The following PDE6B variants were observed in gnomAD, a reference collection of about 807,000 sequenced individuals.
The protein encoded by PDE6B is rod cGMP-specific 3',5'-cyclic phosphodiesterase subunit beta.
In PDE6B, 106 loss-of-function variants were observed where a neutral mutation model predicts 109.0. The ratio of observed to expected loss-of-function variants is 0.97; its 90% CI spans 0.83 to 1.14. The LOEUF is 1.14. Ranked by LOEUF, PDE6B falls within the 50% of genes most tolerant of loss-of-function variation. The pLI is 0.00. For missense variants in PDE6B, 1,193 were observed against 1,155.6 expected (o/e 1.03, Z -0.47); for synonymous variants, 490 against 471.3 (o/e 1.04, Z -0.51).
chr4:634,842 GGCACCTGGGCAGCC>G lies in PDE6B; in HGVS notation c.621+16_621+29del, dbSNP rs778367434. On this transcript the variant is annotated intron_variant, in intron 2 of 21. Coordinates refer to ENST00000496514, the MANE Select transcript of PDE6B (RefSeq NM_000283.4). ...CGAAGACGAAGATGTGAGTGTGGGG[GGCACCTGGGCAGCC>G]GCGCGTCTGCCTCCCTGCCTGCCTG... 6.8e-6 allele frequency: 11 copies of G among 1,612,564 alleles called. No homozygotes were observed. Among genetic ancestry groups the G allele is most frequent in the Non-Finnish European group, 9.3e-6 (11 of 1,178,684 alleles).
At chr4:655,565 C>T (rs908261522) in intron 6 of PDE6B, 7 of 381,162 alleles carry the variant, frequency 1.8e-5, no homozygotes, top group Admixed American at 1.6e-4. Flanking sequence ...GGCCCCAGCA[C>T]GGCAGCCTGG....
chr4:634,790 C>G lies in PDE6B; in HGVS notation c.582C>G (p.Asn194Lys). Residue 194 changes from asparagine to lysine, a missense_variant, in exon 2 of 22, where the codon AAC (asparagine) becomes AAG (lysine). Physicochemically the swap from Asn to Lys is moderately conservative, Grantham distance 94. Transcript: ENST00000496514. ...KDVVAVIMAV[N>K]KLNGPFFTSE... ...TCGTGGCGGTGATCATGGCAGTGAACAAGCTCAACGGCCCATTCTTCACCA... is the reference window on the plus strand; with the variant it reads ...TCGTGGCGGTGATCATGGCAGTGAAGAAGCTCAACGGCCCATTCTTCACCA... 6.2e-7 allele frequency: 1 copy of G among 1,613,982 alleles called. No individual in the cohort carries two copies. The highest frequency in any genetic ancestry group is 8.5e-7 in the Non-Finnish European group (1 of 1,179,842).
Position 634,595 on chromosome 4 carries a change from G to C in PDE6B, c.469-82G>C. 2.6e-6 allele frequency: 3 copies of C among 1,161,906 alleles called. No individual in the cohort carries two copies. The South Asian group carries it at 3.7e-5, about 14-fold the overall frequency. 72.0% of individuals were successfully genotyped at this position (1,161,906 alleles called of 1,614,324 possible). ...CACCTGGAGGGCAGCAGCCCCCACAGAGCTTGACGACAACCCCAGTGGTGC... is the reference window on the plus strand; with the variant it reads ...CACCTGGAGGGCAGCAGCCCCCACACAGCTTGACGACAACCCCAGTGGTGC... On this transcript the variant is annotated intron_variant, in intron 1 of 21. Coordinates refer to ENST00000496514, the MANE Select transcript of PDE6B (RefSeq NM_000283.4).
chr4:659,612 C>T (rs994966093), intron 11 of PDE6B, among the ~76,000 whole-genome samples: 2 of 142,964 alleles, frequency 1.4e-5, no homozygotes, highest in East Asian at 2.0e-4. Context: ...TGCGTGTGTG[C>T]ATTGTATGAA....
At chr4:638,122 G>T (rs981850713) in intron 3 of PDE6B, among the ~76,000 whole-genome samples, 1 of 152,182 alleles carries the variant, frequency 6.6e-6, no homozygotes, top group Non-Finnish European at 1.5e-5. Flanking sequence ...AGCGTTTGGT[G>T]GAACTGTAGT....
rs1198658874 is a variant in PDE6B at position 636,980 on chromosome 4, T to C, written c.711+1011T>C. 3.3e-5 allele frequency among the ~76,000 whole-genome samples: 5 copies of C among 152,274 alleles called. No homozygotes were observed. Among genetic ancestry groups the C allele is most frequent in the Non-Finnish European group, 7.3e-5 (5 of 68,054 alleles). ...GGAACCAGGGACCAGGGAGAGCATC[T>C]GTGTAATGTATCTGGAATTCTTTTG... On this transcript the variant is annotated intron_variant, in intron 3 of 21. Transcript: ENST00000496514. This position sits in a 1 kb window ranked among gnomAD's most constrained non-coding sequence, Gnocchi z 4.5.
Position 654,894 on chromosome 4 carries a change from T to A in PDE6B, c.992+6T>A, listed in dbSNP as rs760511266. 2 of 1,490,892 alleles carry A rather than the reference T, an allele frequency of 1.3e-6. No individual in the cohort carries two copies. The highest frequency in any genetic ancestry group is 1.7e-5 in the Admixed American group (1 of 59,894). 92.4% of individuals were successfully genotyped at this position (1,490,892 alleles called of 1,614,324 possible). ...GAGGAGATCAAGGTCATTCCGTAAG[T>A]GCAGGATTTTACCAGAAGCGTCCCC... On this transcript the variant is annotated splice_donor_region_variant and intron_variant, in intron 6 of 21. Transcript: ENST00000496514.
Position 636,742 on chromosome 4 carries a change from G to T in PDE6B, c.711+773G>T, listed in dbSNP as rs990757864. On this transcript the variant is annotated intron_variant, in intron 3 of 21. Transcript: ENST00000496514. The surrounding 1 kb of genome is among the most constrained non-coding windows in gnomAD (Gnocchi z 4.5). ...GTCACCTGCTGCGAGCCTGCTGAAC[G>T]TGGCGAGAGGCTGAGGTCTTTATCT... Among the ~76,000 whole-genome samples the T allele has an allele frequency of 6.6e-6, 1 of 152,232 alleles. No homozygotes were observed. The highest frequency in any genetic ancestry group is 2.4e-5 in the African/African-American group (1 of 41,470).
At chr4:667,775 G>A (rs1370511565) in intron 20 of PDE6B, 81 bp from the exon 21 acceptor site, 3 of 1,458,918 alleles carry the variant, frequency 2.1e-6, no homozygotes, top group Admixed American at 1.7e-5. Flanking sequence ...CCCTACGAGG[G>A]GGATGAGCTG....
chr4:639,227 C>G (rs1335919785), intron 3 of PDE6B, among the ~76,000 whole-genome samples: 1 of 151,890 alleles, frequency 6.6e-6, no homozygotes, highest in Non-Finnish European at 1.5e-5. Context: ...TCACTGCAGC[C>G]TCAAACTCCT....
At chr4:660,110 T>G (rs1379114438) in intron 11 of PDE6B, among the ~76,000 whole-genome samples, 1 of 152,140 alleles carries the variant, frequency 6.6e-6, no homozygotes, top group Non-Finnish European at 1.5e-5. Context: ...TTTGTATTCA[T>G]GGGAGTGGCC....
At chr4:647,875 C>CT (rs1735284963) in intron 3 of PDE6B, among the ~76,000 whole-genome samples, 1 of 151,948 alleles carries the variant, frequency 6.6e-6, no homozygotes. Flanking sequence ...GAGTTCGAGA[C>CT]CAGCCTGGCC....
At position 625,866 on chromosome 4, in the gene PDE6B, GC is replaced by G; in HGVS notation, c.241del (p.Arg81GlyfsTer69). 1 of 1,610,606 alleles carries G rather than the reference GC, an allele frequency of 6.2e-7. No individual in the cohort carries two copies. The highest frequency in any genetic ancestry group is 8.5e-7 in the Non-Finnish European group (1 of 1,178,930). On this transcript the variant is annotated frameshift_variant, in exon 1 of 22. Transcript: ENST00000496514. LOFTEE classifies it high-confidence loss of function. The surrounding 1 kb of genome is among the most constrained non-coding windows in gnomAD (Gnocchi z 5.0). ...TGGAGCGCGTGGTCTTCAAGGTCCT[GC>G]GGCGCCTCTGCACCCTCCTGCAGGC... ...NMERVVFKVL[R>X]RLCTLLQADR...
At position 626,813 on chromosome 4, in the gene PDE6B, C is replaced by T. The variant is rs547812980; in HGVS notation, c.468+719C>T. 2.0e-3 allele frequency among the ~76,000 whole-genome samples: 298 copies of T among 152,238 alleles called. 1 individual carries two copies. Among genetic ancestry groups the T allele is most frequent in the African/African-American group, 6.6e-3 (276 of 41,554 alleles). On this transcript the variant is annotated intron_variant, in intron 1 of 21. Transcript: ENST00000496514. The surrounding 1 kb of genome is among the most constrained non-coding windows in gnomAD (Gnocchi z 4.6). ...TTCCCGAGGACAGAGGCGGTCCTGG[C>T]GGGACTGGAGAACAAGAGGGGTGTG... is the stretch of plus-strand genomic sequence containing the variant.
chr4:668,011 G>C lies in PDE6B; in HGVS notation c.2503+5G>C, dbSNP rs772596728. 9.3e-6 allele frequency: 15 copies of C among 1,610,680 alleles called. No individual in the cohort carries two copies. Among genetic ancestry groups the C allele is most frequent in the Non-Finnish European group, 1.2e-5 (14 of 1,179,040 alleles). ...AGAGGGTGGCAGCCAAGAAAGGTCTGGCTCTGTGTGGCCTGTGGGGCAGGG... is the reference window on the plus strand; with the variant it reads ...AGAGGGTGGCAGCCAAGAAAGGTCTCGCTCTGTGTGGCCTGTGGGGCAGGG... On this transcript the variant is annotated splice_donor_5th_base_variant and intron_variant, in intron 21 of 21. Coordinates refer to ENST00000496514, the MANE Select transcript of PDE6B (RefSeq NM_000283.4).
At chr4:635,746 G>A in intron 2 of PDE6B, 134 bp from the exon 3 acceptor site, 1 of 707,722 alleles carries the variant, frequency 1.4e-6, no homozygotes. Context: ...GCCAATCCAT[G>A]TCTGCCTGTG....
rs200970775 is a variant in PDE6B, at chr4:656,865, C to T, written c.1108-9C>T. 6.4e-4 allele frequency: 1,039 copies of T among 1,612,514 alleles called. 6 individuals are homozygous for T. The African/African-American group carries it at 0.012, about 19-fold the overall frequency. On this transcript the variant is annotated splice_polypyrimidine_tract_variant and intron_variant, in intron 8 of 21. Coordinates refer to ENST00000496514, the MANE Select transcript of PDE6B (RefSeq NM_000283.4). ...GGGCGGAGCTCAGCTCTGGACACCG[C>T]TCCCGCAGGAAGGGGCCCTGGACGA...
chr4:668,340 C>T (rs542595758), intron 21 of PDE6B, among the ~76,000 whole-genome samples: 2 of 152,006 alleles, frequency 1.3e-5, no homozygotes, highest in South Asian at 2.1e-4. Flanking sequence ...CCAAAGGCAT[C>T]GTGGTCTTGC....
At chr4:654,555 T>A in intron 5 of PDE6B, 9 of 604,118 alleles carry the variant, frequency 1.5e-5, no homozygotes, top group Non-Finnish European at 2.4e-5. Context: ...CCGCGGCGTG[T>A]GATGCGTGTC....
Sources: gnomAD v4.1 joint callset for allele counts (sites outside exome capture counted in the v4.1 genomes callset) on GRCh38, gnomAD v4.1.1 for gene constraint, Gnocchi (gnomAD v3.1) non-coding constraint, MANE v1.5 for transcripts, NCBI Gene and HGNC (gene_info 2026-07-23, HGNC 2026-07-21) for gene names.